The following NREP variants were observed in gnomAD, a reference collection of about 807,000 sequenced individuals.
The protein encoded by NREP is neuronal regeneration related protein.
Under a neutral mutation model 8.6 loss-of-function variants are expected in NREP, and 5 were observed. The observed-to-expected ratio is 0.58, with a 90% confidence interval of 0.30 to 1.22. The LOEUF (loss-of-function observed/expected upper bound fraction) is 1.22. NREP is among the 50% of genes most tolerant of loss of function. NREP has a pLI of 0.07. For synonymous variants in NREP, 27 were observed against 28.0 expected (o/e 0.96, Z 0.11); for missense variants, 86 against 82.5 (o/e 1.04, Z -0.17).
chr5:111,798,122 A>G (rs1751914474), intron 2 of NREP, among the ~76,000 whole-genome samples: 1 of 152,212 alleles, frequency 6.6e-6, no homozygotes, highest in Non-Finnish European at 1.5e-5. Context: ...TTATAATAAT[A>G]GTTGTTATTT....
At chr5:111,862,423 A>G (rs1753563477) in intron 2 of NREP, among the ~76,000 whole-genome samples, 1 of 152,156 alleles carries the variant, frequency 6.6e-6, no homozygotes, top group Non-Finnish European at 1.5e-5. Flanking sequence ...ATGACAGAGT[A>G]CGGCGAGGCT....
At position 111,830,076 on chromosome 5, in the gene NREP, C is replaced by T. The variant is rs537338527; in HGVS notation, c.136-94569G>A. ...TGTCCAGCCCATGGCCCACAGGCTG[C>T]ATGTGGCCCAGGATGGCTTTAAATG... is the stretch of plus-strand genomic sequence containing the variant. On this transcript the variant is annotated intron_variant, in intron 2 of 3. Coordinates refer to the NREP transcript ENST00000395634. Among the ~76,000 whole-genome samples, 622 of 152,292 alleles carry T rather than the reference C, an allele frequency of 4.1e-3. 5 individuals carry two copies. Among genetic ancestry groups the T allele is most frequent in the Non-Finnish European group, 4.7e-3 (323 of 68,016 alleles).
At chr5:111,777,024 G>GGAA (rs1325868558) in intron 2 of NREP, among the ~76,000 whole-genome samples, 17 of 149,970 alleles carry the variant, frequency 1.1e-4, no homozygotes, top group Non-Finnish European at 2.5e-4. Flanking sequence ...TGGAGGAGGA[G>GGAA]GAGGAAGGAG....
chr5:111,891,151 C>T (rs1040883886), intron 2 of NREP, among the ~76,000 whole-genome samples: 4 of 152,178 alleles, frequency 2.6e-5, no homozygotes, highest in Non-Finnish European at 5.9e-5. Context: ...GTCTAGAACA[C>T]TTGGCTGCTT....
chr5:111,815,975 A>C (rs1340196929), intron 2 of NREP, among the ~76,000 whole-genome samples: 2 of 152,180 alleles, frequency 1.3e-5, no homozygotes, highest in African/African-American at 4.8e-5. Flanking sequence ...ACTCAGAATA[A>C]AAGACATATG....
intron 2 of NREP, among the ~76,000 whole-genome samples, chr5:111,884,651 G>C (rs1368824827): frequency 1.3e-5 from 2 of 152,144 alleles, no homozygotes; most frequent in African/African-American, 4.8e-5. Context: ...TCATCCCTGG[G>C]ATGCAAGGCT....
chr5:111,937,941 C>T (rs1755728239), intron 2 of NREP, among the ~76,000 whole-genome samples: 1 of 151,980 alleles, frequency 6.6e-6, no homozygotes, highest in Non-Finnish European at 1.5e-5. Flanking sequence ...CTTCTTAGTC[C>T]TCTCCAAATT....
upstream of NREP, chr5:111,757,789 T>C: frequency 1.0e-6 from 1 of 974,110 alleles, no homozygotes; most frequent in Non-Finnish European, 1.2e-6. Flanking sequence ...GGCCAGCCTC[T>C]CCGCCTCGAC....
chr5:111,772,056 G>C (rs1027191545), intron 2 of NREP, among the ~76,000 whole-genome samples: 1 of 152,142 alleles, frequency 6.6e-6, no homozygotes, highest in African/African-American at 2.4e-5. Context: ...GGAATTCCAC[G>C]ATCTGTAAAA....
At chr5:111,885,994 C>CTT (rs1561710642) in intron 2 of NREP, among the ~76,000 whole-genome samples, 1 of 152,194 alleles carries the variant, frequency 6.6e-6, no homozygotes, top group East Asian at 1.9e-4. Context: ...AACTAAAGAG[C>CTT]TTCTGCACAG....
intron 2 of NREP, among the ~76,000 whole-genome samples, chr5:111,885,774 G>C (rs1230119894): frequency 6.6e-6 from 1 of 152,172 alleles, no homozygotes; most frequent in Non-Finnish European, 1.5e-5. Context: ...GCCATATGTA[G>C]AAAGCTGAAA....
At chr5:111,767,766 A>G (rs560315232) in intron 2 of NREP, among the ~76,000 whole-genome samples, 34 of 152,238 alleles carry the variant, frequency 2.2e-4, no homozygotes, top group African/African-American at 7.9e-4. Flanking sequence ...CCTAGTCTCA[A>G]GTGATCCTCC....
At chr5:111,775,640 A>G (rs541271850) in intron 2 of NREP, among the ~76,000 whole-genome samples, 5 of 152,286 alleles carry the variant, frequency 3.3e-5, no homozygotes, top group African/African-American at 9.6e-5. Flanking sequence ...ATTCATTAAT[A>G]ATGATTAAGA....
chr5:111,749,557 C>G (rs1234191378), intron 2 of NREP, among the ~76,000 whole-genome samples: 1 of 152,128 alleles, frequency 6.6e-6, no homozygotes, highest in Non-Finnish European at 1.5e-5. Context: ...AAATTGTAAA[C>G]AATTTTATTG....
chr5:111,830,895 T>C (rs533686379), intron 2 of NREP, among the ~76,000 whole-genome samples: 1 of 152,364 alleles, frequency 6.6e-6, no homozygotes, highest in South Asian at 2.1e-4. Flanking sequence ...TAATTTAATG[T>C]ACTATTATTG....
intron 2 of NREP, among the ~76,000 whole-genome samples, chr5:111,780,643 G>A (rs995915033): frequency 6.6e-6 from 1 of 152,108 alleles, no homozygotes; most frequent in Non-Finnish European, 1.5e-5. Flanking sequence ...ATCTTGTTTT[G>A]AGTGGTAGAG....
At chr5:111,870,083 A>G (rs1041232267) in intron 2 of NREP, among the ~76,000 whole-genome samples, 4 of 152,188 alleles carry the variant, frequency 2.6e-5, no homozygotes, top group African/African-American at 7.2e-5. Flanking sequence ...GCTTGTACCG[A>G]CAGCTCTTGA....
At chr5:111,853,485 G>A (rs2112471113) in intron 2 of NREP, among the ~76,000 whole-genome samples, 1 of 148,168 alleles carries the variant, frequency 6.7e-6, no homozygotes, top group East Asian at 2.0e-4. Context: ...TTGGGAGGGG[G>A]GAGGGTTGTA....
At chr5:111,881,954 C>T (rs1390611420) in intron 2 of NREP, among the ~76,000 whole-genome samples, 1 of 152,194 alleles carries the variant, frequency 6.6e-6, no homozygotes, top group Non-Finnish European at 1.5e-5. Context: ...CAGTTCCTCA[C>T]CAGCAACGGA....
Sources: gnomAD v4.1 joint callset for allele counts (sites outside exome capture counted in the v4.1 genomes callset) on GRCh38, gnomAD v4.1.1 for gene constraint, MANE v1.5 for transcripts, NCBI Gene and HGNC (gene_info 2026-07-23, HGNC 2026-07-21) for gene names.